The following OTUD4 variants were observed in gnomAD, a reference collection of about 807,000 sequenced individuals.
OTUD4 encodes OTU deubiquitinase 4.
In OTUD4, 24 loss-of-function variants were observed where a neutral mutation model predicts 130.4. The observed-to-expected ratio is 0.18, with a 90% confidence interval of 0.13 to 0.26. OTUD4 has a LOEUF of 0.26. OTUD4 is among the 10% of genes least tolerant of loss of function. The probability of loss-of-function intolerance (pLI) is 1.00; values close to 1 mark genes in which losing one functional copy is unlikely to be tolerated. For synonymous variants in OTUD4, 420 were observed against 472.5 expected, an observed-to-expected ratio of 0.89 and a Z score of 1.44; for missense variants, 1,031 against 1,329.4, an observed-to-expected ratio of 0.78 and a Z score of 3.49.
intron 20 of OTUD4, among the ~76,000 whole-genome samples, chr4:145,139,044 T>C (rs754251534): frequency 9.2e-5 from 14 of 152,176 alleles, no homozygotes; most frequent in Non-Finnish European, 1.3e-4. Flanking sequence ...TGATCTCCAA[T>C]GTCAGGACTC....
chr4:145,155,339 GTTT>G, intron 10 of OTUD4, 69 bp downstream of exon 10: 1 of 1,186,250 alleles, frequency 8.4e-7, no homozygotes, highest in South Asian at 1.3e-5. Flanking sequence ...CACCTCAGCT[GTTT>G]TCTCTGTTTG....
intron 20 of OTUD4, among the ~76,000 whole-genome samples, chr4:145,138,983 G>GC (rs1215103265): frequency 6.6e-6 from 1 of 152,134 alleles, no homozygotes; most frequent in Non-Finnish European, 1.5e-5. Context: ...CCCCATGCAG[G>GC]CCAGTTAACA....
Position 145,171,577 on chromosome 4 carries a change from A to C in OTUD4, c.294+93T>G, listed in dbSNP as rs562698601. On this transcript the variant is annotated intron_variant, in intron 3 of 20. Transcript: ENST00000447906. The stretch of plus-strand genomic sequence containing the variant: ...GATACACCGTCACTGCAACTCCTCT[A>C]TACACTGTAATAGTAATCTTCTATT... 76 of 683,762 alleles carry C rather than the reference A, an allele frequency of 1.1e-4. 1 individual carries two copies. The highest frequency in any genetic ancestry group is 3.3e-4 in the Admixed American group (14 of 42,642). 42.4% of individuals were successfully genotyped at this position (683,762 alleles called of 1,614,324 possible).
intron 15 of OTUD4, 28 bp downstream of exon 15, chr4:145,144,283 T>G (rs1560979880): frequency 6.2e-7 from 1 of 1,600,476 alleles, no homozygotes; most frequent in Non-Finnish European, 8.5e-7. Context: ...ATCTCTAGCA[T>G]CTGCTTTCTA....
At chr4:145,178,235 A>C (rs1472928700) in intron 1 of OTUD4, 1 of 152,228 alleles carries the variant, frequency 6.6e-6, no homozygotes, top group East Asian at 1.9e-4. Flanking sequence ...AAGGCCACCG[A>C]GTATCTATGG....
At chr4:145,158,791 T>C (rs1751420751) in intron 7 of OTUD4, among the ~76,000 whole-genome samples, 1 of 152,214 alleles carries the variant, frequency 6.6e-6, no homozygotes. Flanking sequence ...ATGTACTTTA[T>C]ATGCTATCTC....
chr4:145,144,477 C>A, intron 14 of OTUD4, 43 bp from the exon 15 acceptor site: 3 of 1,579,764 alleles, frequency 1.9e-6, no homozygotes, highest in Non-Finnish European at 2.6e-6. Context: ...TAAAGATTTA[C>A]CCACAGATAC....
At chr4:145,138,745 T>A in intron 20 of OTUD4, 95 bp from the exon 21 acceptor site, 1 of 1,040,606 alleles carries the variant, frequency 9.6e-7, no homozygotes, top group South Asian at 1.6e-5. Flanking sequence ...CAAAATAAGT[T>A]TCTCATGCCT....
intron 11 of OTUD4, among the ~76,000 whole-genome samples, chr4:145,151,311 T>A (rs1330043016): frequency 1.3e-5 from 2 of 152,128 alleles, no homozygotes; most frequent in Non-Finnish European, 2.9e-5. Context: ...ATTTTCATTT[T>A]TTAAAAACAT....
At chr4:145,179,365 A>G (rs955856748) in intron 1 of OTUD4, among the ~76,000 whole-genome samples, 20 of 152,234 alleles carry the variant, frequency 1.3e-4, no homozygotes, top group African/African-American at 4.6e-4. Context: ...AAAGTCCAGC[A>G]GCAAACCAAA....
At chr4:145,147,646 A>G (rs1221082650) in intron 13 of OTUD4, among the ~76,000 whole-genome samples, 1 of 152,220 alleles carries the variant, frequency 6.6e-6, no homozygotes, top group Non-Finnish European at 1.5e-5. Flanking sequence ...CATTAACAAA[A>G]GCATATATGG....
intron 3 of OTUD4, among the ~76,000 whole-genome samples, chr4:145,170,597 T>C (rs936631129): frequency 1.3e-5 from 2 of 152,218 alleles, no homozygotes; most frequent in Non-Finnish European, 2.9e-5. Flanking sequence ...TTCTTTCCTA[T>C]GATAGGGAAA....
chr4:145,162,706 A>G lies in OTUD4; in HGVS notation c.430T>C (p.Ser144Pro). 2.6e-6 allele frequency: 4 copies of G among 1,551,398 alleles called. No individual in the cohort carries two copies. The highest frequency in any genetic ancestry group is 3.5e-6 in the Non-Finnish European group (4 of 1,133,512). ...NFPEKVLLCFSNGNHYDIVYP... is the reference protein window; with the variant it reads ...NFPEKVLLCFPNGNHYDIVYP... Reference sequence around the variant, plus strand: ...ACAATATCATAATGATTTCCATTTGAAAAACACAGTAACACCTGAAAGGGA... The same window carrying G: ...ACAATATCATAATGATTTCCATTTGGAAAACACAGTAACACCTGAAAGGGA... Residue 144 changes from serine (S) to proline (P), a missense_variant, in exon 6 of 21, where the codon TCA (serine) becomes CCA (proline). Coordinates refer to ENST00000447906, the MANE Select transcript of OTUD4 (RefSeq NM_001366057.1).
At chr4:145,170,643 G>C (rs995116161) in intron 3 of OTUD4, 1 of 152,086 alleles carries the variant, frequency 6.6e-6, no homozygotes, top group Non-Finnish European at 1.5e-5. Context: ...GCATCCCCAG[G>C]GTGACTAGGA....
intron 16 of OTUD4, among the ~76,000 whole-genome samples, chr4:145,143,714 G>A (rs1326831945): frequency 6.6e-6 from 1 of 152,114 alleles, no homozygotes; most frequent in East Asian, 1.9e-4. Flanking sequence ...GAGGGACAGA[G>A]AATAAAGGCT....
In OTUD4 at chr4:145,137,849, G is replaced by T; in HGVS notation, c.2926C>A (p.Pro976Thr). ...QILNRERETV[P>T]VELEPKRTIQ... ...GTCCTTTTAGGTTCAAGTTCAACAG[G>T]CACAGTTTCTCTCTCTCTGTTTAGA... Residue 976 changes from proline to threonine, a missense_variant, in exon 21 of 21, where the codon CCT becomes ACT. Pro to Thr is a conservative substitution (Grantham distance 38, BLOSUM62 -1). Around this residue, in one of 3 missense-constraint regions of OTUD4, gnomAD observed 900 missense variants for 1,095.9 expected, o/e 0.82. Transcript: ENST00000447906. 6.2e-7 allele frequency: 1 copy of T among 1,614,066 alleles called. No homozygotes were observed. Among genetic ancestry groups the T allele is most frequent in the Non-Finnish European group, 8.5e-7 (1 of 1,179,988 alleles).
intron 14 of OTUD4, 124 bp from the exon 15 acceptor site, chr4:145,144,558 T>C: frequency 1.2e-6 from 1 of 844,684 alleles, no homozygotes. Context: ...CCTGTATTTT[T>C]AACTGAAACT....
chr4:145,143,229 C>T, intron 17 of OTUD4, 136 bp downstream of exon 17: 1 of 518,358 alleles, frequency 1.9e-6, no homozygotes, highest in Non-Finnish European at 3.4e-6. Context: ...AAATCATAAC[C>T]ACAGCCAAAC....
At chr4:145,165,887 C>A (rs1288740911) in intron 3 of OTUD4, among the ~76,000 whole-genome samples, 1 of 152,008 alleles carries the variant, frequency 6.6e-6, no homozygotes, top group East Asian at 1.9e-4. Flanking sequence ...GGCGGCTGGG[C>A]GCAGTGGCTC....
Sources: allele counts gnomAD v4.1 joint callset (sites outside exome capture counted in the v4.1 genomes callset), GRCh38; gene constraint gnomAD v4.1.1; regional missense constraint gnomAD v4.1.1; transcripts MANE v1.5; gene names NCBI Gene and HGNC (gene_info 2026-07-23, HGNC 2026-07-21).